The following CHEK1 variants were observed in gnomAD, a reference collection of about 807,000 sequenced individuals.
CHEK1 encodes checkpoint kinase 1.
In CHEK1, 32 loss-of-function variants were observed where a neutral mutation model predicts 60.2. The ratio of observed to expected loss-of-function variants is 0.53; its 90% confidence interval spans 0.40 to 0.71. The LOEUF is 0.71. CHEK1 is among the 30% of genes least tolerant of loss of function. CHEK1 has a pLI of 0.00. For missense variants in CHEK1, 399 were observed against 564.6 expected, an observed-to-expected ratio of 0.71 and a Z score of 2.97; for synonymous variants, 179 against 187.2, an observed-to-expected ratio of 0.96 and a Z score of 0.36.
At chr11:125,626,299 G>A (rs986176103) in intron 1 of CHEK1, 6 of 491,984 alleles carry the variant, frequency 1.2e-5, no homozygotes, top group Non-Finnish European at 2.2e-5. Context: ...CCCGGCCTTT[G>A]GGACGGGTGG....
intron 5 of CHEK1, among the ~76,000 whole-genome samples, chr11:125,629,916 G>C (rs902814863): frequency 2.0e-5 from 3 of 151,854 alleles, no homozygotes; most frequent in Non-Finnish European, 2.9e-5. Context: ...AAGAGGTGGA[G>C]TCTTCCTGTG....
At position 125,653,979 on chromosome 11, in the gene CHEK1, G is replaced by T; in HGVS notation, c.1335+132G>T. On this transcript the variant is annotated intron_variant, in intron 12 of 12. Transcript: ENST00000438015. This position sits in a 1 kb window ranked among gnomAD's most constrained non-coding sequence, Gnocchi z 4.3. ...TTTTTTCGTTTAATATTATGAGCAT[G>T]TGTTTTCGTTATCTATTTTTCCCGA... 3.8e-6 allele frequency: 2 copies of T among 522,588 alleles called. No individual in the cohort carries two copies. The highest frequency in any genetic ancestry group is 3.3e-6 in the Non-Finnish European group (1 of 300,926). 32.4% of individuals were successfully genotyped at this position (522,588 alleles called of 1,614,324 possible).
chr11:125,641,809 A>G (rs1201682376), intron 8 of CHEK1, among the ~76,000 whole-genome samples: 1 of 150,010 alleles, frequency 6.7e-6, no homozygotes, highest in Non-Finnish European at 1.5e-5. Flanking sequence ...TTTTACCTCT[A>G]CTGTTACCCT....
In CHEK1 at chr11:125,627,781, A is replaced by G. The variant is rs371045906; in HGVS notation, c.240A>G (p.Gln80=). The part of the protein sequence containing the change: ...FYGHRREGNI[Q]YLFLEYCSGG... ...GTCACAGGAGAGAAGGCAATATCCA[A>G]TATTTATTTCTGGAGTACTGTAGTG... The change falls in exon 3 of 13, where the codon CAA becomes CAG. Residue 80 remains glutamine, a synonymous_variant. Coordinates refer to ENST00000438015, the MANE Select transcript of CHEK1 (RefSeq NM_001114122.3). The G allele has an allele frequency of 7.4e-6, 12 of 1,612,468 alleles. No homozygotes were observed. The highest frequency in any genetic ancestry group is 3.8e-4 in the Middle Eastern group (2 of 5,198).
chr11:125,635,140 G>A (rs999275660), intron 6 of CHEK1, among the ~76,000 whole-genome samples: 2 of 151,914 alleles, frequency 1.3e-5, no homozygotes, highest in South Asian at 2.1e-4. Context: ...TTTATTTTTT[G>A]TAGAGATGGG....
intron 13 of CHEK1, among the ~76,000 whole-genome samples, chr11:125,675,530 A>G (rs926543577): frequency 6.6e-5 from 10 of 152,318 alleles, no homozygotes; most frequent in Middle Eastern, 6.8e-3. Context: ...GGAGTCAGGC[A>G]GTGTGGTTCC....
chr11:125,661,500 C>T (rs1565387012), downstream of CHEK1, among the ~76,000 whole-genome samples: 1 of 151,866 alleles, frequency 6.6e-6, no homozygotes, highest in Non-Finnish European at 1.5e-5. Flanking sequence ...TTAGTAGAGA[C>T]AGGGTTTCAT....
At position 125,629,300 on chromosome 11, in the gene CHEK1, G is replaced by A. The variant is rs754651841; in HGVS notation, c.354+4G>A. On this transcript the variant is annotated splice_donor_region_variant and intron_variant, in intron 4 of 12. Coordinates refer to ENST00000438015, the MANE Select transcript of CHEK1 (RefSeq NM_001114122.3). Reference sequence around the variant, plus strand: ...CCATCAACTCATGGCAGGGGTGGTAGGTATAGTTGTCTATTTCCCTTTTAC... The same window carrying A: ...CCATCAACTCATGGCAGGGGTGGTAAGTATAGTTGTCTATTTCCCTTTTAC... 2 of 1,613,992 alleles carry A rather than the reference G, an allele frequency of 1.2e-6. No individual in the cohort carries two copies. The highest frequency in any genetic ancestry group is 1.7e-5 in the Admixed American group (1 of 60,020).
intron 3 of CHEK1, 108 bp downstream of exon 3, chr11:125,627,938 G>A (rs1940691811): frequency 1.2e-6 from 1 of 819,230 alleles, no homozygotes; most frequent in East Asian, 2.8e-5. Flanking sequence ...TCATGCAACT[G>A]TGAAATTGGA....
At chr11:125,676,923 T>C (rs1203914445), downstream of CHEK1, among the ~76,000 whole-genome samples, 1 of 150,596 alleles carries the variant, frequency 6.6e-6, no homozygotes, top group African/African-American at 2.5e-5. Context: ...TTGCAAACCC[T>C]GTGAAGAGTG....
At chr11:125,633,425 C>G in intron 6 of CHEK1, 74 bp downstream of exon 6, 1 of 1,257,076 alleles carries the variant, frequency 8.0e-7, no homozygotes, top group Non-Finnish European at 1.1e-6. Flanking sequence ...TGAAATAAAC[C>G]AAGGAATTCA....
chr11:125,668,276 A>G (rs1229534638), intron 13 of CHEK1, among the ~76,000 whole-genome samples: 1 of 152,032 alleles, frequency 6.6e-6, no homozygotes, highest in Non-Finnish European at 1.5e-5. Flanking sequence ...TAGTTCCTCG[A>G]TGTTTATATT....
rs1318978818 is a variant in CHEK1 at position 125,644,612 on chromosome 11, G to C, written c.1202G>C (p.Gly401Ala). ...CTGAAAGAGACTTGTGAGAAGTTGG[G>C]CTATCAATGGAAGAAAAGTTGTATG... Reference protein sequence around the residue: ...QCLKETCEKLGYQWKKSCMNQ... With the variant: ...QCLKETCEKLAYQWKKSCMNQ... Residue 401 changes from glycine to alanine, a missense_variant, in exon 11 of 13, where the codon GGC becomes GCC. By Grantham distance (60) the Gly-to-Ala change is moderately conservative. Transcript: ENST00000438015. 6.2e-7 allele frequency: 1 copy of C among 1,613,926 alleles called. No individual in the cohort carries two copies. Among genetic ancestry groups the C allele is most frequent in the Non-Finnish European group, 8.5e-7 (1 of 1,179,992 alleles).
intron 13 of CHEK1, among the ~76,000 whole-genome samples, chr11:125,675,028 C>T (rs868858623): frequency 6.5e-4 from 99 of 152,212 alleles, no homozygotes; most frequent in African/African-American, 4.8e-4. Context: ...AAATCAGTAT[C>T]TCTTTAATCT....
At chr11:125,648,922 C>T (rs952326244) in intron 11 of CHEK1, among the ~76,000 whole-genome samples, 1 of 151,834 alleles carries the variant, frequency 6.6e-6, no homozygotes, top group Non-Finnish European at 1.5e-5. Context: ...CCAAGTGATC[C>T]TCTCATCTCA....
chr11:125,626,911 AAGTAG>A, intron 2 of CHEK1, 78 bp downstream of exon 2: 5 of 1,469,294 alleles, frequency 3.4e-6, no homozygotes, highest in Non-Finnish European at 4.8e-6. Context: ...GTGATTTAGA[AAGTAG>A]ATGTTTGAGA....
At chr11:125,672,763 C>T (rs368906966) in intron 13 of CHEK1, 15 of 1,608,566 alleles carry the variant, frequency 9.3e-6, no homozygotes, top group African/African-American at 5.3e-5. Flanking sequence ...CTTCGTCCTC[C>T]AACCTTAGCC....
intron 5 of CHEK1, among the ~76,000 whole-genome samples, chr11:125,630,876 T>G (rs896598199): frequency 6.6e-6 from 1 of 152,014 alleles, no homozygotes; most frequent in African/African-American, 2.4e-5. Context: ...AACAATAAAT[T>G]ATGAAATGCA....
chr11:125,672,456 G>T, intron 13 of CHEK1: 1 of 977,530 alleles, frequency 1.0e-6, no homozygotes, highest in Non-Finnish European at 1.5e-6. Flanking sequence ...AAGATAGGAT[G>T]TTTGAGCATC....
Sources: allele counts gnomAD v4.1 joint callset (sites outside exome capture counted in the v4.1 genomes callset), GRCh38; gene constraint gnomAD v4.1.1; non-coding constraint Gnocchi (gnomAD v3.1); transcripts MANE v1.5; gene names NCBI Gene and HGNC (gene_info 2026-07-23, HGNC 2026-07-21).